The following LIN7A variants were observed in gnomAD, a reference collection of about 807,000 sequenced individuals.
The protein encoded by LIN7A is protein lin-7 homolog A.
A neutral mutation model predicts 29.8 loss-of-function variants in LIN7A; 25 were observed. The observed-to-expected ratio is 0.84, with a 90% confidence interval of 0.61 to 1.17. LIN7A has a LOEUF of 1.17. Ranked by LOEUF, LIN7A falls within the 50% of genes most tolerant of loss-of-function variation. The pLI is 0.00. For missense variants in LIN7A, 239 were observed against 287.0 expected (o/e 0.83, Z 1.21); for synonymous variants, 118 against 107.5 (o/e 1.10, Z -0.60).
At chr12:80,856,421 T>C (rs754783828) in intron 2 of LIN7A, among the ~76,000 whole-genome samples, 24 of 152,176 alleles carry the variant, frequency 1.6e-4, no homozygotes, top group Non-Finnish European at 3.2e-4. Flanking sequence ...GCAAATTGGT[T>C]TTACCAGTTG....
intron 4 of LIN7A, among the ~76,000 whole-genome samples, chr12:80,821,242 G>T (rs1871792964): frequency 1.3e-5 from 2 of 152,144 alleles, no homozygotes; most frequent in Admixed American, 6.5e-5. Flanking sequence ...TATTAACAGT[G>T]TGACCTCTCC....
chr12:80,807,063 GTTTTTTTTTTTT>G (rs71094991), intron 5 of LIN7A, among the ~76,000 whole-genome samples: 3 of 53,588 alleles, frequency 5.6e-5, no homozygotes, highest in African/African-American at 2.6e-4. Flanking sequence ...TGAAGATGGA[GTTTTTTTTTTTT>G]TTTTTTTTTT....
Position 80,793,614 on chromosome 12 carries a change from A to G in LIN7A, c.*4113T>C, listed in dbSNP as rs137870006. On this transcript the variant is annotated 3_prime_UTR_variant, in exon 6 of 6. Transcript: ENST00000552864. ...GAACCTAGCATGCACTAGGTACACA[A>G]TAAGTATTTGTTAAATGAATAAACA... 3.3e-5 allele frequency: 5 copies of G among 152,134 alleles called. No individual in the cohort carries two copies. The highest frequency in any genetic ancestry group is 2.6e-4 in the Admixed American group (4 of 15,260). 9.4% of individuals were successfully genotyped at this position (152,134 alleles called of 1,614,324 possible).
intron 2 of LIN7A, among the ~76,000 whole-genome samples, chr12:80,848,890 C>T (rs1430520404): frequency 6.6e-6 from 1 of 152,096 alleles, no homozygotes; most frequent in African/African-American, 2.4e-5. Context: ...TTATATTAAT[C>T]TTATTTTACA....
intron 2 of LIN7A, among the ~76,000 whole-genome samples, chr12:80,854,896 C>T (rs1398114063): frequency 1.3e-5 from 2 of 152,046 alleles, no homozygotes; most frequent in Non-Finnish European, 2.9e-5. Context: ...AACATAAAGA[C>T]ATATATATCT....
chr12:80,834,709 G>C (rs1872532774), intron 4 of LIN7A, among the ~76,000 whole-genome samples: 2 of 152,184 alleles, frequency 1.3e-5, no homozygotes, highest in Admixed American at 1.3e-4. Flanking sequence ...GAACCTGTGA[G>C]CAATCACATG....
chr12:80,889,436 T>C (rs1875512676), intron 1 of LIN7A, 67 bp from the exon 2 acceptor site: 1 of 954,326 alleles, frequency 1.0e-6, no homozygotes, highest in Non-Finnish European at 1.7e-6. Context: ...GAAAGTACTA[T>C]TATTCCAGTT....
chr12:80,934,658 G>A (rs907684044), intron 1 of LIN7A, among the ~76,000 whole-genome samples: 1 of 152,138 alleles, frequency 6.6e-6, no homozygotes, highest in Non-Finnish European at 1.5e-5. Context: ...ATGTCAAAAG[G>A]TAGCAAACAA....
rs1873731566 is a variant in LIN7A at position 80,858,852 on chromosome 12, TA to T, written c.202-10531del. ...TGTACTTAAAAGTTTGCAAGGGTTG[TA>T]AAATAAGGTTTACTTTTTAAAATAG... On this transcript the variant is annotated intron_variant, in intron 2 of 5. Coordinates refer to ENST00000552864, the MANE Select transcript of LIN7A (RefSeq NM_004664.4). Among the ~76,000 whole-genome samples, 3 of 152,282 alleles carry T rather than the reference TA, an allele frequency of 2.0e-5. No homozygotes were observed. In the South Asian group the frequency reaches 6.2e-4, roughly 32 times the overall value.
chr12:80,890,166 G>C (rs911693255), intron 1 of LIN7A, among the ~76,000 whole-genome samples: 2 of 152,046 alleles, frequency 1.3e-5, no homozygotes, highest in African/African-American at 2.4e-5. Context: ...GTCTTTTATA[G>C]ACATAAAATT....
intron 2 of LIN7A, among the ~76,000 whole-genome samples, chr12:80,885,859 C>A (rs553804278): frequency 6.6e-6 from 1 of 151,696 alleles, no homozygotes; most frequent in African/African-American, 2.4e-5. Flanking sequence ...GTGGTTTCAT[C>A]CAAATGTAAA....
intron 5 of LIN7A, among the ~76,000 whole-genome samples, chr12:80,807,063 G>GTTTTTTTTTTGTTTTTTT (rs1871029199): frequency 2.1e-4 from 11 of 53,586 alleles, no homozygotes; most frequent in African/African-American, 3.5e-4. Flanking sequence ...TGAAGATGGA[G>GTTTTTTTTTTGTTTTTTT]TTTTTTTTTT....
chr12:80,886,677 T>C (rs1565916068), intron 2 of LIN7A, among the ~76,000 whole-genome samples: 1 of 152,100 alleles, frequency 6.6e-6, no homozygotes, highest in African/African-American at 2.4e-5. Flanking sequence ...AAATGTAAGG[T>C]AGATAAATTA....
At chr12:80,819,852 A>C (rs1375349855) in intron 4 of LIN7A, among the ~76,000 whole-genome samples, 2 of 152,210 alleles carry the variant, frequency 1.3e-5, no homozygotes, top group East Asian at 3.8e-4. Context: ...TTTCTTGTTA[A>C]TGGCGTTGCT....
At chr12:80,837,256 T>G in intron 4 of LIN7A, among the ~76,000 whole-genome samples, 1 of 152,202 alleles carries the variant, frequency 6.6e-6, no homozygotes, top group East Asian at 1.9e-4. Context: ...TCAAAGATAT[T>G]AATATCAGGT....
chr12:80,799,819 G>A (rs1041770869), intron 5 of LIN7A, among the ~76,000 whole-genome samples: 1 of 151,962 alleles, frequency 6.6e-6, no homozygotes, highest in African/African-American at 2.4e-5. Flanking sequence ...AATTAATAGA[G>A]AAAATCAATG....
intron 2 of LIN7A, among the ~76,000 whole-genome samples, chr12:80,885,676 C>T (rs1345609299): frequency 1.3e-5 from 2 of 151,996 alleles, no homozygotes. Flanking sequence ...AGATGGTCTT[C>T]ATTCAGTACT....
At chr12:80,936,336 T>C (rs895301464) in intron 1 of LIN7A, 3 of 152,404 alleles carry the variant, frequency 2.0e-5, no homozygotes, top group African/African-American at 7.2e-5. Flanking sequence ...AGAACATCTG[T>C]TCTGGCGCCA....
At chr12:80,851,959 G>A (rs1435800464) in intron 2 of LIN7A, among the ~76,000 whole-genome samples, 3 of 152,044 alleles carry the variant, frequency 2.0e-5, no homozygotes, top group Non-Finnish European at 4.4e-5. Flanking sequence ...ACTTAAAAAA[G>A]CAATAAAATT....
Sources: allele counts gnomAD v4.1 joint callset (sites outside exome capture counted in the v4.1 genomes callset), GRCh38; gene constraint gnomAD v4.1.1; transcripts MANE v1.5; gene names NCBI Gene and HGNC (gene_info 2026-07-23, HGNC 2026-07-21).